The following NCOA6 variants were observed in gnomAD, a reference collection of about 807,000 sequenced individuals.
NCOA6 encodes nuclear receptor coactivator 6.
In NCOA6, 49 loss-of-function variants were observed where a neutral mutation model predicts 171.4. That is an observed-to-expected ratio of 0.29 (90% CI 0.23 to 0.36). The LOEUF (loss-of-function observed/expected upper bound fraction) is 0.36. NCOA6 is among the 10% of genes least tolerant of loss of function. The probability of loss-of-function intolerance (pLI) is 1.00; values close to 1 mark genes in which losing one functional copy is unlikely to be tolerated. For missense variants in NCOA6, 2,248 were observed against 2,554.5 expected (o/e 0.88, Z 2.59); for synonymous variants, 910 against 927.5 (o/e 0.98, Z 0.34).
At position 34,746,928 on chromosome 20, in the gene NCOA6, G is replaced by A; in HGVS notation, c.2793C>T (p.Asn931=). The A allele has an allele frequency of 7.7e-7, 1 of 1,304,296 alleles. No homozygotes were observed. The highest frequency in any genetic ancestry group is 9.8e-7 in the Non-Finnish European group (1 of 1,017,186). 80.8% of individuals were successfully genotyped at this position (1,304,296 alleles called of 1,614,324 possible). Residue 931 remains asparagine (N), a splice_region_variant and synonymous_variant, in exon 10 of 15, where the codon AAC becomes AAT. Coordinates refer to ENST00000359003, the MANE Select transcript of NCOA6 (RefSeq NM_014071.5). ...GACCAGCTGGGCGAGTATCTGGGGT[G>A]CTAAAAAAAAAAAAAAAAAAAAAAG... ...RKKKNSQQDL[N]TPDTRPAGLE... is the part of the protein sequence containing the mutation.
intron 14 of NCOA6, among the ~76,000 whole-genome samples, chr20:34,720,408 C>A (rs1237960716): frequency 1.3e-5 from 2 of 152,244 alleles, no homozygotes; most frequent in Admixed American, 6.5e-5. Context: ...CCTTCCTGGA[C>A]TTGCCCAGAA....
chr20:34,747,542 A>C (rs1311166761), intron 9 of NCOA6, among the ~76,000 whole-genome samples: 28 of 152,218 alleles, frequency 1.8e-4, no homozygotes, highest in Admixed American at 1.8e-3. Context: ...AAAAATGAAG[A>C]AATTGTAGCT....
intron 1 of NCOA6, chr20:34,820,412 A>G (rs1311531171): frequency 6.6e-6 from 1 of 152,056 alleles, no homozygotes; most frequent in Non-Finnish European, 1.5e-5. Context: ...AAAGGAAAAG[A>G]TTGATAAAGT....
At chr20:34,760,043 C>G (rs2076769440) in intron 5 of NCOA6, among the ~76,000 whole-genome samples, 1 of 152,050 alleles carries the variant, frequency 6.6e-6, no homozygotes, top group African/African-American at 2.4e-5. Flanking sequence ...TTTTGGAGGC[C>G]AAGGTGGGAG....
chr20:34,823,943 CAA>C (rs1253946894), intron 1 of NCOA6, among the ~76,000 whole-genome samples: 3 of 152,170 alleles, frequency 2.0e-5, no homozygotes, highest in African/African-American at 7.2e-5. Context: ...CTTGGCCTCC[CAA>C]AGTGTTGGGA....
rs942141117 is a variant in NCOA6 at position 34,749,832 on chromosome 20, A to G, written c.2363T>C (p.Leu788Pro). 14 of 1,614,212 alleles carry G rather than the reference A, an allele frequency of 8.7e-6. No homozygotes were observed. The highest frequency in any genetic ancestry group is 1.0e-5 in the Non-Finnish European group (12 of 1,180,030). Residue 788 changes from leucine (L) to proline (P), a missense_variant, in exon 9 of 15, where the codon CTG becomes CCG. By Grantham distance (98) the Leu-to-Pro change is moderately conservative (BLOSUM62 -3). This residue lies in a region of NCOA6 where 987 missense variants were observed against 1,104.7 expected (regional missense o/e 0.89). Transcript: ENST00000359003. ...SQVMGIQGQV[L>P]RPPGPSPHMA... ...GTGTGGGCTGGGCCCTGGTGGCCGC[A>G]GGACCTGTCCCTGAATGCCCATAAC... is the stretch of plus-strand genomic sequence containing the variant.
In NCOA6 at chr20:34,758,819, G is replaced by A. The variant is rs775017085; in HGVS notation, c.629C>T (p.Pro210Leu). ...GAAGTCATTACCTGACTGAGAAGCAGGGCGAGGAGTCCTGGGCTGCAGCTC... is the reference window on the plus strand; with the variant it reads ...GAAGTCATTACCTGACTGAGAAGCAAGGCGAGGAGTCCTGGGCTGCAGCTC... ...NPELQPRTPR[P>L]ASQSDAMDPL... The change falls in exon 6 of 15, where the codon CCT becomes CTT. Residue 210 changes from proline to leucine, a missense_variant. Around this residue, in one of 7 missense-constraint regions of NCOA6, gnomAD observed 987 missense variants for 1,104.7 expected, o/e 0.89. Transcript: ENST00000359003. 2 of 1,612,588 alleles carry A rather than the reference G, an allele frequency of 1.2e-6. No homozygotes were observed. Among genetic ancestry groups the A allele is most frequent in the Non-Finnish European group, 1.7e-6 (2 of 1,179,638 alleles).
chr20:34,743,570 C>T (rs541096943), intron 10 of NCOA6, among the ~76,000 whole-genome samples: 4 of 152,026 alleles, frequency 2.6e-5, no homozygotes, highest in Admixed American at 1.3e-4. Flanking sequence ...TGGAGCTCCT[C>T]GGTGTGTAGG....
intron 1 of NCOA6, among the ~76,000 whole-genome samples, chr20:34,813,683 T>C (rs2146662125): frequency 6.6e-6 from 1 of 152,290 alleles, no homozygotes; most frequent in African/African-American, 2.4e-5. Flanking sequence ...AAACATATTA[T>C]TAAACATATG....
intron 13 of NCOA6, among the ~76,000 whole-genome samples, chr20:34,732,346 G>T (rs1210255170): frequency 6.6e-6 from 1 of 152,086 alleles, no homozygotes; most frequent in African/African-American, 2.4e-5. Flanking sequence ...ACCATAAAAG[G>T]TAGAAACTTG....
intron 1 of NCOA6, among the ~76,000 whole-genome samples, chr20:34,818,771 A>T (rs1419063764): frequency 6.6e-6 from 1 of 152,232 alleles, no homozygotes; most frequent in Non-Finnish European, 1.5e-5. Flanking sequence ...TCATCTTGGT[A>T]TCTTGCAGAG....
intron 1 of NCOA6, among the ~76,000 whole-genome samples, chr20:34,808,322 AT>A (rs886714004): frequency 4.0e-5 from 6 of 150,192 alleles, no homozygotes; most frequent in African/African-American, 1.5e-4. Context: ...AAATCAAAAT[AT>A]TTTTCCCTCT....
At position 34,740,798 on chromosome 20, in the gene NCOA6, C is replaced by G. The variant is rs750912047; in HGVS notation, c.5458G>C (p.Val1820Leu). ...AACAAAATTTGGCCAATTTTGTCCA[C>G]TTTTCCTTTGCCCTTACTAGACGAG... ...PVSSSKGKGKVDKIGQILLTK... is the reference protein window; with the variant it reads ...PVSSSKGKGKLDKIGQILLTK... The change falls in exon 11 of 15, where the codon GTG becomes CTG. Residue 1820 changes from valine (V) to leucine (L), a missense_variant. By Grantham distance (32) the Val-to-Leu change is conservative. Around this residue, in one of 7 missense-constraint regions of NCOA6, gnomAD observed 884 missense variants for 941.9 expected, o/e 0.94. Coordinates refer to ENST00000359003, the MANE Select transcript of NCOA6 (RefSeq NM_014071.5). 1.9e-6 allele frequency: 3 copies of G among 1,614,250 alleles called. No homozygotes were observed. In the South Asian group the frequency reaches 3.3e-5, roughly 18 times the overall value.
At chr20:34,811,094 G>A (rs2078642767) in intron 1 of NCOA6, among the ~76,000 whole-genome samples, 1 of 150,034 alleles carries the variant, frequency 6.7e-6, no homozygotes, top group Admixed American at 6.7e-5. Context: ...TGGTCTAAGA[G>A]TATTAAAATG....
intron 3 of NCOA6, among the ~76,000 whole-genome samples, chr20:34,781,623 CTA>C (rs2077518779): frequency 1.3e-5 from 2 of 152,280 alleles, no homozygotes; most frequent in South Asian, 4.1e-4. Context: ...TGAAAACAAA[CTA>C]AATCTCAAAC....
At chr20:34,814,658 C>T (rs1361222385) in intron 1 of NCOA6, among the ~76,000 whole-genome samples, 4 of 152,146 alleles carry the variant, frequency 2.6e-5, no homozygotes, top group African/African-American at 9.7e-5. Context: ...ACGGCATGAT[C>T]TTGGCTCACC....
intron 3 of NCOA6, chr20:34,776,901 G>A (rs979827055): frequency 1.3e-5 from 5 of 387,762 alleles, no homozygotes; most frequent in Admixed American, 3.7e-5. Context: ...GGTGGATCAC[G>A]AGGTCAGGAG....
At chr20:34,728,556 G>A (rs1990245478) in intron 13 of NCOA6, among the ~76,000 whole-genome samples, 1 of 152,178 alleles carries the variant, frequency 6.6e-6, no homozygotes, top group African/African-American at 2.4e-5. Context: ...ACAACAAACA[G>A]TTATCTGGCC....
At chr20:34,779,566 T>C (rs1405071904) in intron 3 of NCOA6, among the ~76,000 whole-genome samples, 1 of 152,124 alleles carries the variant, frequency 6.6e-6, no homozygotes, top group Non-Finnish European at 1.5e-5. Flanking sequence ...GGCAAAACAA[T>C]TTTCTCTTTT....
Sources: allele counts gnomAD v4.1 joint callset (sites outside exome capture counted in the v4.1 genomes callset), GRCh38; gene constraint gnomAD v4.1.1; regional missense constraint gnomAD v4.1.1; transcripts MANE v1.5; gene names NCBI Gene and HGNC (gene_info 2026-07-23, HGNC 2026-07-21).